GTPBP1: variants seen among roughly 807,000 people sequenced by gnomAD.
GTPBP1 encodes GTP binding protein 1.
Under a neutral mutation model 62.0 loss-of-function variants are expected in GTPBP1, and 23 were observed. The ratio of observed to expected loss-of-function variants is 0.37; its 90% confidence interval spans 0.27 to 0.53. The LOEUF is 0.53. Among genes scored for constraint, GTPBP1 ranks in the 20% least tolerant of loss-of-function variants. The probability of loss-of-function intolerance (pLI) is 0.89; values close to 1 mark genes in which losing one functional copy is unlikely to be tolerated. For synonymous variants in GTPBP1, 344 were observed against 364.4 expected, an observed-to-expected ratio of 0.94 and a Z score of 0.64; for missense variants, 640 against 917.3, an observed-to-expected ratio of 0.70 and a Z score of 3.90.
At chr22:38,740,824 C>T (rs1437043265), downstream of GTPBP1, 1 of 665,116 alleles carries the variant, frequency 1.5e-6, no homozygotes, top group Non-Finnish European at 2.6e-6. This position sits in a 1 kb window ranked among gnomAD's most constrained non-coding sequence, Gnocchi z 4.8. Flanking sequence ...CTGCTAACCT[C>T]CATGGCACCT....
chr22:38,740,127 C>T, downstream of GTPBP1: 2 of 1,274,000 alleles, frequency 1.6e-6, no homozygotes, highest in Middle Eastern at 2.8e-4. The surrounding 1 kb of genome is among the most constrained non-coding windows in gnomAD (Gnocchi z 4.8). Context: ...TGAGAGCCCA[C>T]ATGTGTCAAG....
At chr22:38,722,532 T>G (rs914972646) in intron 5 of GTPBP1, among the ~76,000 whole-genome samples, 3 of 152,228 alleles carry the variant, frequency 2.0e-5, no homozygotes, top group Admixed American at 6.5e-5. Flanking sequence ...CTGTAGAAAC[T>G]AGCTAGCCAC....
chr22:38,718,500 A>G (rs1319156538), intron 4 of GTPBP1, among the ~76,000 whole-genome samples: 1 of 152,128 alleles, frequency 6.6e-6, no homozygotes, highest in East Asian at 1.9e-4. Context: ...GCCGTAGAGC[A>G]CTCTCTTCTC....
At chr22:38,706,273 G>T (rs1276361375) in intron 1 of GTPBP1, 126 bp downstream of exon 1, 34 of 558,212 alleles carry the variant, frequency 6.1e-5, no homozygotes, top group Non-Finnish European at 8.7e-5. Flanking sequence ...AAGGGGCCGA[G>T]CCCGCCCACC....
chr22:38,718,540 A>G (rs2092682996), intron 4 of GTPBP1, among the ~76,000 whole-genome samples: 2 of 152,172 alleles, frequency 1.3e-5, no homozygotes, highest in African/African-American at 2.4e-5. Context: ...GCAAGTCTGC[A>G]TTGGGTTGGA....
At chr22:38,739,573 C>T, downstream of GTPBP1, 2 of 1,280,404 alleles carry the variant, frequency 1.6e-6, no homozygotes, top group African/African-American at 1.5e-5. The surrounding 1 kb of genome is among the most constrained non-coding windows in gnomAD (Gnocchi z 6.7). Context: ...ACACTGCCAC[C>T]CACCCATGCC....
Position 38,716,920 on chromosome 22 carries a change from G to A in GTPBP1, c.754G>A (p.Asp252Asn). The A allele has an allele frequency of 6.2e-7, 1 of 1,614,096 alleles. No individual in the cohort carries two copies. Among genetic ancestry groups the A allele is most frequent in the Non-Finnish European group, 8.5e-7 (1 of 1,179,962 alleles). The change falls in exon 4 of 12, where the codon GAC becomes AAC. Residue 252 changes from aspartate to asparagine, a missense_variant. By Grantham distance (23) the Asp-to-Asn change is conservative. This residue lies in a region of GTPBP1 where 88 missense variants were observed against 217.0 expected (regional missense o/e 0.41). Coordinates refer to ENST00000216044, the MANE Select transcript of GTPBP1 (RefSeq NM_004286.5). The surrounding 1 kb of genome is among the most constrained non-coding windows in gnomAD (Gnocchi z 5.2). ...EKSTKVITFI[D>N]LAGHEKYLKT... is the part of the protein sequence containing the mutation. ...GTCCACGAAAGTCATTACCTTCATC[G>A]ACTTGGCTGGTCATGAGAAGTACCT...
rs909732297 is a variant in GTPBP1 at position 38,729,274 on chromosome 22, T to TG, written c.1717-184dup. 11 of 522,862 alleles carry TG rather than the reference T, an allele frequency of 2.1e-5. No homozygotes were observed. The African/African-American group carries it at 2.2e-4, about 10-fold the overall frequency. The allele number at this position is 522,862 out of a possible 1,614,324, so 32.4% of individuals were successfully genotyped here. A position where few individuals can be genotyped will look rare whatever the true frequency, so the allele number is the denominator to read the frequency against. On this transcript the variant is annotated intron_variant, in intron 10 of 11. Coordinates refer to ENST00000216044, the MANE Select transcript of GTPBP1 (RefSeq NM_004286.5). ...GCCATAGCAGTCCTCAGCCACTGAGTGGGGATGAGAATGCCTCTTCATCCC... is the reference window on the plus strand; with the variant it reads ...GCCATAGCAGTCCTCAGCCACTGAGTGGGGGATGAGAATGCCTCTTCATCCC...
chr22:38,717,045 C>A, intron 4 of GTPBP1, 45 bp downstream of exon 4: 2 of 1,222,654 alleles, frequency 1.6e-6, no homozygotes, highest in Non-Finnish European at 2.4e-6. Context: ...AGCAGGGCTG[C>A]TTGGGTCTGG....
At chr22:38,736,343 C>T (rs137996727), downstream of GTPBP1, 15 of 1,613,804 alleles carry the variant, frequency 9.3e-6, no homozygotes, top group African/African-American at 5.3e-5. Flanking sequence ...AGTCAGGATC[C>T]GCAGCTCCAC....
rs2092672177 is a variant in GTPBP1, at chr22:38,716,606, T to C, written c.486-46T>C. 7.2e-7 allele frequency: 1 copy of C among 1,384,122 alleles called. No individual in the cohort carries two copies. The highest frequency in any genetic ancestry group is 1.0e-6 in the Non-Finnish European group (1 of 990,364). 85.7% of individuals were successfully genotyped at this position (1,384,122 alleles called of 1,614,324 possible). Reference sequence around the variant, plus strand: ...GGTTATGATGGTCGCTCCACCTCACTCATTCACTAACTCTCACATAGATGT... The same window carrying C: ...GGTTATGATGGTCGCTCCACCTCACCCATTCACTAACTCTCACATAGATGT... On this transcript the variant is annotated intron_variant, in intron 3 of 11. Coordinates refer to ENST00000216044, the MANE Select transcript of GTPBP1 (RefSeq NM_004286.5). This position sits in a 1 kb window ranked among gnomAD's most constrained non-coding sequence, Gnocchi z 5.2.
rs937263977 is a variant in GTPBP1, at chr22:38,731,460, C to G, written c.*756C>G. On this transcript the variant is annotated 3_prime_UTR_variant, in exon 12 of 12. Coordinates refer to ENST00000216044, the MANE Select transcript of GTPBP1 (RefSeq NM_004286.5). ...ATTATAGGACTCTCCCCATCTCGGG[C>G]CCTGACCCTGACCCTTGCCACCAAC... The G allele has an allele frequency of 1.3e-5, 2 of 152,686 alleles. No homozygotes were observed. Among genetic ancestry groups the G allele is most frequent in the African/African-American group, 4.8e-5 (2 of 41,454 alleles). 9.5% of individuals were successfully genotyped at this position (152,686 alleles called of 1,614,324 possible).
rs565815398 is a variant in GTPBP1 at position 38,711,319 on chromosome 22, G to A, written c.304+2363G>A. 6.0e-4 allele frequency among the ~76,000 whole-genome samples: 91 copies of A among 152,296 alleles called. 3 individuals carry two copies. The South Asian group carries it at 0.018, about 31-fold the overall frequency. The stretch of plus-strand genomic sequence containing the variant: ...AATGTTGATATTTTAAAAGGGGGCA[G>A]TCTGGCCTAATCTATAGGATCTGGA... On this transcript the variant is annotated intron_variant, in intron 2 of 11. Transcript: ENST00000216044.
chr22:38,730,808 A>C lies in GTPBP1; in HGVS notation c.*104A>C. On this transcript the variant is annotated 3_prime_UTR_variant, in exon 12 of 12. Coordinates refer to ENST00000216044, the MANE Select transcript of GTPBP1 (RefSeq NM_004286.5). This position sits in a 1 kb window ranked among gnomAD's most constrained non-coding sequence, Gnocchi z 5.6. ...TGACCGCCACCCAGCCCTCCCGCTC[A>C]GGCCACAGCCGGAGCCTCCGCATTG... The C allele has an allele frequency of 1.6e-6, 1 of 638,276 alleles. No individual in the cohort carries two copies. The highest frequency in any genetic ancestry group is 2.6e-6 in the Non-Finnish European group (1 of 378,484). 39.5% of individuals were successfully genotyped at this position (638,276 alleles called of 1,614,324 possible). A position where few individuals can be genotyped will look rare whatever the true frequency, so the allele number is the denominator to read the frequency against.
At chr22:38,718,397 T>G (rs1369561411) in intron 4 of GTPBP1, among the ~76,000 whole-genome samples, 3 of 152,228 alleles carry the variant, frequency 2.0e-5, no homozygotes, top group Non-Finnish European at 4.4e-5. Flanking sequence ...GTGATCCAAA[T>G]GTTAACCTTT....
At chr22:38,723,365 C>T in intron 5 of GTPBP1, 1 of 852,532 alleles carries the variant, frequency 1.2e-6, no homozygotes, top group East Asian at 2.5e-5. Flanking sequence ...TTGACTGGAA[C>T]CAGACCATAA....
At position 38,730,023 on chromosome 22, in the gene GTPBP1, G is replaced by T. The variant is rs556352011; in HGVS notation, c.1917+361G>T. ...TATATGTGTGCACTGCAGTCCAGCA[G>T]GTTTGAGAGACACTGCCTTAGAGGG... On this transcript the variant is annotated intron_variant, in intron 11 of 11. Transcript: ENST00000216044. This position sits in a 1 kb window ranked among gnomAD's most constrained non-coding sequence, Gnocchi z 5.6. Among the ~76,000 whole-genome samples the T allele has an allele frequency of 3.3e-4, 51 of 152,304 alleles. No individual in the cohort carries two copies. Among genetic ancestry groups the T allele is most frequent in the African/African-American group, 1.2e-3 (50 of 41,548 alleles).
At position 38,729,563 on chromosome 22, in the gene GTPBP1, C is replaced by A; in HGVS notation, c.1818C>A (p.Gly606=). 1 of 1,600,762 alleles carries A rather than the reference C, an allele frequency of 6.2e-7. No individual in the cohort carries two copies. The highest frequency in any genetic ancestry group is 1.1e-5 in the South Asian group (1 of 89,330). The part of the protein sequence containing the change: ...KGPLTKRDEG[G]PSGGPAVGAP... The stretch of plus-strand genomic sequence containing the variant: ...CCCTGACGAAACGAGACGAGGGGGG[C>A]CCGTCTGGTGGGCCAGCAGTAGGAG... Residue 606 remains glycine (G), a synonymous_variant, in exon 11 of 12, where the codon GGC becomes GGA. Coordinates refer to ENST00000216044, the MANE Select transcript of GTPBP1 (RefSeq NM_004286.5).
chr22:38,715,827 G>A, intron 2 of GTPBP1, 80 bp from the exon 3 acceptor site: 1 of 1,207,098 alleles, frequency 8.3e-7, no homozygotes, highest in South Asian at 1.4e-5. Context: ...CCTTTGTTAG[G>A]TGGGGTTCCT....
Sources: gnomAD v4.1 joint callset for allele counts (sites outside exome capture counted in the v4.1 genomes callset) on GRCh38, gnomAD v4.1.1 for gene constraint, gnomAD v4.1.1 regional missense constraint, Gnocchi (gnomAD v3.1) non-coding constraint, MANE v1.5 for transcripts, NCBI Gene and HGNC (gene_info 2026-07-23, HGNC 2026-07-21) for gene names.